Variants in TAFA5 observed in about 807,000 individuals in gnomAD.
The protein encoded by TAFA5 is TAFA chemokine like family member 5.
Under a neutral mutation model 15.3 loss-of-function variants are expected in TAFA5, and 6 were observed. That is an observed-to-expected ratio of 0.39 (90% confidence interval 0.21 to 0.77). The LOEUF (loss-of-function observed/expected upper bound fraction) is 0.77, where lower values mean the gene tolerates loss of function less well. Among genes scored for constraint, TAFA5 ranks in the 30% least tolerant of loss-of-function variants. The pLI is 0.41. For synonymous variants in TAFA5, 103 were observed against 80.7 expected, an observed-to-expected ratio of 1.28 and a Z score of -1.48; for missense variants, 161 against 193.1, an observed-to-expected ratio of 0.83 and a Z score of 0.98.
chr22:48,744,828 C>T (rs1026986030), intron 3 of TAFA5, among the ~76,000 whole-genome samples: 4 of 152,078 alleles, frequency 2.6e-5, no homozygotes, highest in African/African-American at 7.2e-5. Flanking sequence ...GGCACGATCT[C>T]GGCTCACTGC....
intron 1 of TAFA5, among the ~76,000 whole-genome samples, chr22:48,548,854 G>A (rs552556201): frequency 5.0e-4 from 76 of 152,354 alleles, no homozygotes; most frequent in African/African-American, 1.7e-3. Flanking sequence ...CTGGCATACA[G>A]CAGGTGCTTA....
chr22:48,639,259 C>T (rs1314794012), intron 1 of TAFA5, among the ~76,000 whole-genome samples: 1 of 152,204 alleles, frequency 6.6e-6, no homozygotes, highest in Non-Finnish European at 1.5e-5. Context: ...CACTGTGGGT[C>T]ACCTCGGGCC....
chr22:48,632,729 C>T (rs575925675), intron 1 of TAFA5, among the ~76,000 whole-genome samples: 56 of 152,152 alleles, frequency 3.7e-4, no homozygotes, highest in Non-Finnish European at 6.0e-4. Flanking sequence ...GACCTGGCTG[C>T]GGAGGCCCTG....
Position 48,593,614 on chromosome 22 carries a change from A to G in TAFA5, c.113-52983A>G, listed in dbSNP as rs183491386. Among the ~76,000 whole-genome samples, 41 of 152,242 alleles carry G rather than the reference A, an allele frequency of 2.7e-4. 1 individual carries two copies. Among genetic ancestry groups the G allele is most frequent in the African/African-American group, 8.2e-4 (34 of 41,546 alleles). ...ACCCCAGGTGGCTGTGTTGGTACCA[A>G]TTGCTTAAAATTGCACCTTCATTTT... On this transcript the variant is annotated intron_variant, in intron 1 of 3. Coordinates refer to ENST00000402357, the MANE Select transcript of TAFA5 (RefSeq NM_001082967.3).
At chr22:48,737,535 G>T (rs557735085) in intron 3 of TAFA5, among the ~76,000 whole-genome samples, 7 of 152,238 alleles carry the variant, frequency 4.6e-5, no homozygotes, top group Non-Finnish European at 7.3e-5. Flanking sequence ...TTCTCCTGGG[G>T]CTGGGAGAGG....
At chr22:48,584,913 C>CCACACACACACACACACACCA (rs564024414) in intron 1 of TAFA5, among the ~76,000 whole-genome samples, 6 of 147,028 alleles carry the variant, frequency 4.1e-5, no homozygotes, top group Non-Finnish European at 9.0e-5. Flanking sequence ...CACACACACA[C>CCACACACACACACACACACCA]CACACACACA....
chr22:48,708,945 G>A (rs1267489476), intron 3 of TAFA5, among the ~76,000 whole-genome samples: 1 of 152,182 alleles, frequency 6.6e-6, no homozygotes, highest in Non-Finnish European at 1.5e-5. Context: ...TGGAGTTGCT[G>A]CAAGGAGAAC....
intron 1 of TAFA5, among the ~76,000 whole-genome samples, chr22:48,627,893 CG>C (rs1275265506): frequency 1.3e-5 from 2 of 152,200 alleles, no homozygotes; most frequent in Non-Finnish European, 2.9e-5. Context: ...CCAGCAAGGA[CG>C]GGGGGTTGCA....
rs1426089321 is a variant in TAFA5 at position 48,729,325 on chromosome 22, ATATT to A, written c.391-20508_391-20505del. Among the ~76,000 whole-genome samples, 412 of 111,918 alleles carry A rather than the reference ATATT, an allele frequency of 3.7e-3. 11 individuals carry two copies. The highest frequency in any genetic ancestry group is 0.012 in the African/African-American group (394 of 33,650). The allele number at this position is 111,918 out of a possible 152,430, so 73.4% of individuals were successfully genotyped here. A position where few individuals can be genotyped will look rare whatever the true frequency, so the allele number is the denominator to read the frequency against. On this transcript the variant is annotated intron_variant, in intron 3 of 3. Coordinates refer to ENST00000402357, the MANE Select transcript of TAFA5 (RefSeq NM_001082967.3). ...TTATTTATAAATATATAATATTTTT[ATATT>A]TATTTGTAAATATATATTTTTATAT...
At chr22:48,678,065 C>T (rs1308617105) in intron 2 of TAFA5, among the ~76,000 whole-genome samples, 4 of 152,194 alleles carry the variant, frequency 2.6e-5, no homozygotes, top group Non-Finnish European at 5.9e-5. Context: ...TGTCTGATGT[C>T]AGCAGCTCCC....
At chr22:48,632,750 A>C (rs1316115882) in intron 1 of TAFA5, among the ~76,000 whole-genome samples, 1 of 152,074 alleles carries the variant, frequency 6.6e-6, no homozygotes, top group Non-Finnish European at 1.5e-5. Flanking sequence ...ACCCCTCCTG[A>C]CGGGGAGCAG....
intron 1 of TAFA5, among the ~76,000 whole-genome samples, chr22:48,637,677 GGTGTGCGCATCT>G (rs764185397): frequency 9.2e-5 from 14 of 151,978 alleles, no homozygotes; most frequent in Admixed American, 8.5e-4. Context: ...GTGTGTTTCG[GGTGTGCGCATCT>G]GTGTGTGCAC....
At chr22:48,594,856 C>T (rs544093894) in intron 1 of TAFA5, among the ~76,000 whole-genome samples, 3 of 151,158 alleles carry the variant, frequency 2.0e-5, no homozygotes, top group Non-Finnish European at 2.9e-5. Context: ...GCAGCTGGAG[C>T]TGAATTTGCC....
chr22:48,745,310 C>T (rs559546065), intron 3 of TAFA5, among the ~76,000 whole-genome samples: 1 of 149,218 alleles, frequency 6.7e-6, no homozygotes, highest in South Asian at 2.1e-4. Context: ...TTGTCGTCGG[C>T]GGCTGGCCTG....
intron 1 of TAFA5, among the ~76,000 whole-genome samples, chr22:48,573,088 G>C (rs1339052265): frequency 6.6e-6 from 1 of 152,212 alleles, no homozygotes; most frequent in Non-Finnish European, 1.5e-5. Context: ...GCCCTGGTCT[G>C]AGCTACACTA....
intron 2 of TAFA5, among the ~76,000 whole-genome samples, chr22:48,704,794 C>A (rs1163648815): frequency 2.7e-4 from 41 of 151,874 alleles, no homozygotes; most frequent in Non-Finnish European, 7.4e-5. Flanking sequence ...GCTGCCGTAG[C>A]AAAACTCCGC....
At chr22:48,650,297 C>G (rs999347390) in intron 2 of TAFA5, among the ~76,000 whole-genome samples, 1 of 152,142 alleles carries the variant, frequency 6.6e-6, no homozygotes, top group Non-Finnish European at 1.5e-5. Flanking sequence ...GTCCATTGGT[C>G]GGTTTCTTAA....
chr22:48,633,543 T>C (rs948284285), intron 1 of TAFA5, among the ~76,000 whole-genome samples: 1 of 149,988 alleles, frequency 6.7e-6, no homozygotes, highest in Non-Finnish European at 1.5e-5. Flanking sequence ...TCTCTCCCTC[T>C]CTCTCTCTCT....
At chr22:48,634,589 T>G (rs1407172625) in intron 1 of TAFA5, among the ~76,000 whole-genome samples, 1 of 152,138 alleles carries the variant, frequency 6.6e-6, no homozygotes, top group Non-Finnish European at 1.5e-5. Context: ...ATTCACCCAC[T>G]CAGTCACTGA....
Sources: gnomAD v4.1 joint callset for allele counts (sites outside exome capture counted in the v4.1 genomes callset) on GRCh38, gnomAD v4.1.1 for gene constraint, MANE v1.5 for transcripts, NCBI Gene and HGNC (gene_info 2026-07-23, HGNC 2026-07-21) for gene names.